Variants in OPCML observed in about 807,000 individuals in gnomAD.
The protein encoded by OPCML is opioid-binding protein/cell adhesion molecule.
A neutral mutation model predicts 37.8 loss-of-function variants in OPCML; 13 were observed. The observed-to-expected ratio is 0.34, with a 90% CI of 0.22 to 0.55. The LOEUF (loss-of-function observed/expected upper bound fraction) is 0.55, where lower values mean the gene tolerates loss of function less well. Among genes scored for constraint, OPCML ranks in the 20% least tolerant of loss-of-function variants. The pLI is 0.91. For synonymous variants in OPCML, 176 were observed against 168.8 expected, an observed-to-expected ratio of 1.04 and a Z score of -0.33; for missense variants, 341 against 435.6, an observed-to-expected ratio of 0.78 and a Z score of 1.93.
Position 132,461,097 on chromosome 11 carries a change from G to A in OPCML, c.506-23738C>T, listed in dbSNP as rs566413938. Among the ~76,000 whole-genome samples, 22 of 152,270 alleles carry A rather than the reference G, an allele frequency of 1.4e-4. No homozygotes were observed. The South Asian group carries it at 3.3e-3, about 23-fold the overall frequency. Reference sequence around the variant, plus strand: ...GAGAACAGAGCATGAGTCAGGTTCTGAAAAAGTGAAATAAGTATTTGGTAT... The same window carrying A: ...GAGAACAGAGCATGAGTCAGGTTCTAAAAAAGTGAAATAAGTATTTGGTAT... On this transcript the variant is annotated intron_variant, in intron 4 of 7. Transcript: ENST00000524381.
chr11:133,448,800 A>G (rs1946524368), intron 1 of OPCML, among the ~76,000 whole-genome samples: 1 of 152,242 alleles, frequency 6.6e-6, no homozygotes, highest in Non-Finnish European at 1.5e-5. Flanking sequence ...GGATATCATC[A>G]TCTAGAGATC....
intron 1 of OPCML, among the ~76,000 whole-genome samples, chr11:133,060,604 C>A (rs1016494197): frequency 6.6e-6 from 1 of 152,234 alleles, no homozygotes; most frequent in East Asian, 1.9e-4. Flanking sequence ...CCCCAGGTCC[C>A]TGCTCCTACT....
At chr11:132,645,679 T>A (rs533733486) in intron 3 of OPCML, among the ~76,000 whole-genome samples, 1 of 152,226 alleles carries the variant, frequency 6.6e-6, no homozygotes, top group Non-Finnish European at 1.5e-5. Flanking sequence ...GCAGCTGGAA[T>A]TTTTTTAAAA....
intron 1 of OPCML, among the ~76,000 whole-genome samples, chr11:133,038,274 C>G (rs947641053): frequency 6.6e-6 from 1 of 152,244 alleles, no homozygotes; most frequent in South Asian, 2.1e-4. Context: ...CTTAGTGTCT[C>G]TCTGGGGCTG....
intron 2 of OPCML, among the ~76,000 whole-genome samples, chr11:132,783,886 T>G: frequency 6.6e-6 from 1 of 152,316 alleles, no homozygotes; most frequent in African/African-American, 2.4e-5. Context: ...ACTTTGGGAA[T>G]ATATTTTAAA....
chr11:133,170,039 G>A (rs1341067557), intron 1 of OPCML, among the ~76,000 whole-genome samples: 2 of 152,142 alleles, frequency 1.3e-5, no homozygotes, highest in Admixed American at 6.5e-5. Context: ...TGAAAATTAA[G>A]CAAACTTGTG....
At chr11:132,930,462 G>A (rs1372000283) in intron 2 of OPCML, among the ~76,000 whole-genome samples, 3 of 152,110 alleles carry the variant, frequency 2.0e-5, no homozygotes, top group African/African-American at 7.2e-5. Context: ...AATCTTATGT[G>A]TAGAAAACTC....
chr11:133,443,897 C>T (rs968475396), intron 1 of OPCML, among the ~76,000 whole-genome samples: 18 of 151,974 alleles, frequency 1.2e-4, no homozygotes, highest in African/African-American at 4.1e-4. Flanking sequence ...TCACTTGAGG[C>T]CAGGAGTTCA....
At chr11:132,779,267 C>T (rs931266083) in intron 2 of OPCML, among the ~76,000 whole-genome samples, 2 of 152,156 alleles carry the variant, frequency 1.3e-5, no homozygotes, top group Admixed American at 6.5e-5. Flanking sequence ...CACACCTGGC[C>T]TTAAGTTGTA....
rs1046269132 is a variant in OPCML at position 133,206,044 on chromosome 11, A to T, written c.62-263034T>A. Among the ~76,000 whole-genome samples, 7 of 152,214 alleles carry T rather than the reference A, an allele frequency of 4.6e-5. No individual in the cohort carries two copies. Among genetic ancestry groups the T allele is most frequent in the African/African-American group, 1.7e-4 (7 of 41,454 alleles). The stretch of plus-strand genomic sequence containing the variant: ...GGAATACAAGAGCTAATGTACATAC[A>T]TGATGTAGTACCATGTCTAGTGCCT... On this transcript the variant is annotated intron_variant, in intron 1 of 7. Transcript: ENST00000524381. The surrounding 1 kb of genome is among the most constrained non-coding windows in gnomAD (Gnocchi z 4.7).
At chr11:133,398,075 G>A (rs1157706739) in intron 1 of OPCML, among the ~76,000 whole-genome samples, 3 of 152,174 alleles carry the variant, frequency 2.0e-5, no homozygotes, top group African/African-American at 7.2e-5. Flanking sequence ...TGTCTGCAAG[G>A]AGACACCCCA....
intron 3 of OPCML, among the ~76,000 whole-genome samples, chr11:132,537,796 A>G (rs1426567334): frequency 2.6e-5 from 4 of 152,238 alleles, no homozygotes; most frequent in Admixed American, 2.0e-4. Flanking sequence ...ACTAATCGCC[A>G]ATAAGCACAT....
intron 1 of OPCML, among the ~76,000 whole-genome samples, chr11:133,376,440 G>A (rs1015972791): frequency 6.6e-6 from 1 of 152,002 alleles, no homozygotes; most frequent in Non-Finnish European, 1.5e-5. Flanking sequence ...GATGATTTGT[G>A]GAAGGAAAGA....
chr11:132,812,532 TAGG>T (rs1939406196), intron 2 of OPCML, among the ~76,000 whole-genome samples: 1 of 152,076 alleles, frequency 6.6e-6, no homozygotes, highest in Non-Finnish European at 1.5e-5. Flanking sequence ...AGACAGCAAT[TAGG>T]AGGTTATTGG....
chr11:132,569,148 C>T (rs1565672956), intron 3 of OPCML, among the ~76,000 whole-genome samples: 1 of 152,290 alleles, frequency 6.6e-6, no homozygotes, highest in South Asian at 2.1e-4. Flanking sequence ...TAAGTTCTAA[C>T]CCCCAGTGCC....
rs530854276 is a variant in OPCML, at chr11:133,123,080, C to G, written c.62-180070G>C. 2.0e-5 allele frequency among the ~76,000 whole-genome samples: 3 copies of G among 152,336 alleles called. No homozygotes were observed. The South Asian group carries it at 6.2e-4, about 32-fold the overall frequency. ...GACTTGGAAAAAATATTTCAATCTG[C>G]AGAATCAATTCCCTCTCAGAGCAGT... On this transcript the variant is annotated intron_variant, in intron 1 of 7. Coordinates refer to ENST00000524381, the MANE Select transcript of OPCML (RefSeq NM_001012393.5).
At chr11:132,485,635 A>G (rs534686011) in intron 4 of OPCML, among the ~76,000 whole-genome samples, 46 of 152,292 alleles carry the variant, frequency 3.0e-4, no homozygotes, top group African/African-American at 1.1e-3. Context: ...CTTTACATTA[A>G]TGGAATCATA....
intron 2 of OPCML, among the ~76,000 whole-genome samples, chr11:132,698,230 A>G (rs1412712232): frequency 6.6e-6 from 1 of 152,026 alleles, no homozygotes; most frequent in Middle Eastern, 3.2e-3. Context: ...TACTGTTTCC[A>G]CAATGGCTAT....
chr11:133,374,822 C>A (rs762452566), intron 1 of OPCML, among the ~76,000 whole-genome samples: 1 of 152,186 alleles, frequency 6.6e-6, no homozygotes, highest in Non-Finnish European at 1.5e-5. Context: ...CAGTTCCCCT[C>A]CCTGAGCTCT....
Sources: gnomAD v4.1 joint callset for allele counts (sites outside exome capture counted in the v4.1 genomes callset) on GRCh38, gnomAD v4.1.1 for gene constraint, Gnocchi (gnomAD v3.1) non-coding constraint, MANE v1.5 for transcripts, NCBI Gene and HGNC (gene_info 2026-07-23, HGNC 2026-07-21) for gene names.